TFEC: variants seen among roughly 807,000 people sequenced by gnomAD.
TFEC encodes transcription factor EC.
TFEC carries 31 observed loss-of-function variants against 41.6 expected under a neutral mutation model. The observed-to-expected ratio is 0.74, with a 90% CI of 0.56 to 1.01. The LOEUF (loss-of-function observed/expected upper bound fraction) is 1.01. TFEC is among the 50% of genes least tolerant of loss of function. The pLI is 0.00. For missense variants in TFEC, 402 were observed against 404.1 expected, an observed-to-expected ratio of 0.99 and a Z score of 0.04; for synonymous variants, 143 against 140.6, an observed-to-expected ratio of 1.02 and a Z score of -0.12.
At chr7:116,098,121 T>C (rs1428870637) in intron 3 of TFEC, among the ~76,000 whole-genome samples, 1 of 152,018 alleles carries the variant, frequency 6.6e-6, no homozygotes, top group African/African-American at 2.4e-5. Flanking sequence ...TATAAGCAAA[T>C]TGAGTGGACA....
At chr7:116,148,245 T>G (rs548335222) in intron 1 of TFEC, among the ~76,000 whole-genome samples, 1 of 152,298 alleles carries the variant, frequency 6.6e-6, no homozygotes, top group South Asian at 2.1e-4. Flanking sequence ...TGGCTTTTAC[T>G]CAGTGAGATA....
At chr7:115,997,056 T>C (rs1276461621) in intron 1 of TFEC, among the ~76,000 whole-genome samples, 4 of 152,152 alleles carry the variant, frequency 2.6e-5, no homozygotes, top group Non-Finnish European at 4.4e-5. Context: ...TACTACCTGC[T>C]GATTGTAGGG....
chr7:116,006,082 A>G (rs1468349787), intron 1 of TFEC, among the ~76,000 whole-genome samples: 1 of 152,252 alleles, frequency 6.6e-6, no homozygotes, highest in Non-Finnish European at 1.5e-5. Flanking sequence ...ATGCCCAGGC[A>G]GAAGTTTGCT....
intron 3 of TFEC, among the ~76,000 whole-genome samples, chr7:116,060,850 C>G (rs1182295156): frequency 2.7e-5 from 4 of 149,642 alleles, no homozygotes; most frequent in African/African-American, 7.4e-5. Flanking sequence ...CATATACCCA[C>G]AAACCTAAAA....
intron 1 of TFEC, among the ~76,000 whole-genome samples, chr7:115,989,504 G>A (rs1341799773): frequency 6.6e-6 from 1 of 152,200 alleles, no homozygotes; most frequent in Admixed American, 6.5e-5. Context: ...GCCAAGGGAA[G>A]CCATGACAGA....
At chr7:116,080,259 C>G (rs933085009) in intron 3 of TFEC, among the ~76,000 whole-genome samples, 1 of 151,984 alleles carries the variant, frequency 6.6e-6, no homozygotes, top group Admixed American at 6.6e-5. Flanking sequence ...TAGACATTGG[C>G]TTAGGCAAAG....
chr7:116,020,087 C>T (rs1355900298), intron 1 of TFEC, among the ~76,000 whole-genome samples: 1 of 152,154 alleles, frequency 6.6e-6, no homozygotes, highest in East Asian at 1.9e-4. Flanking sequence ...GGTGAGCCAC[C>T]TTATTCTCTA....
intron 3 of TFEC, among the ~76,000 whole-genome samples, chr7:116,056,388 A>G (rs540179079): frequency 6.6e-6 from 1 of 152,226 alleles, no homozygotes; most frequent in African/African-American, 2.4e-5. Context: ...AGGGAAAGAG[A>G]TTTAACAGGT....
At chr7:116,088,034 T>TC (rs1797239851) in intron 3 of TFEC, among the ~76,000 whole-genome samples, 1 of 152,130 alleles carries the variant, frequency 6.6e-6, no homozygotes, top group African/African-American at 2.4e-5. Context: ...TACAGCATAC[T>TC]CCTTCAACAT....
intron 3 of TFEC, among the ~76,000 whole-genome samples, chr7:116,066,695 A>T (rs1165507002): frequency 4.6e-5 from 7 of 152,130 alleles, no homozygotes; most frequent in Non-Finnish European, 8.8e-5. Flanking sequence ...TATTTAAAAA[A>T]TACAATTACA....
rs138240980 is a variant in TFEC, at chr7:116,090,604, G to A, written c.198+20104C>T. ...CAACTGCTCTCCAAAATGAGGTCCCGTCACTTAGGTGAAAGTAGAAAATAC... is the reference window on the plus strand; with the variant it reads ...CAACTGCTCTCCAAAATGAGGTCCCATCACTTAGGTGAAAGTAGAAAATAC... On this transcript the variant is annotated intron_variant, in intron 3 of 8. Coordinates refer to the TFEC transcript ENST00000484212. Among the ~76,000 whole-genome samples, 270 of 152,088 alleles carry A rather than the reference G, an allele frequency of 1.8e-3. 1 individual carries two copies. The highest frequency in any genetic ancestry group is 6.0e-3 in the African/African-American group (250 of 41,484).
chr7:116,022,241 T>A (rs1584711422), intron 1 of TFEC, among the ~76,000 whole-genome samples: 1 of 152,198 alleles, frequency 6.6e-6, no homozygotes, highest in Non-Finnish European at 1.5e-5. Context: ...GCAGCGGTTT[T>A]CCATTCTTAA....
At chr7:116,138,515 C>T (rs1798478977) in intron 1 of TFEC, among the ~76,000 whole-genome samples, 1 of 152,112 alleles carries the variant, frequency 6.6e-6, no homozygotes, top group South Asian at 2.1e-4. Flanking sequence ...TTCATTTCAT[C>T]CCTAAAATTA....
intron 1 of TFEC, among the ~76,000 whole-genome samples, chr7:116,009,900 C>T (rs1194273424): frequency 4.6e-5 from 7 of 152,002 alleles, no homozygotes; most frequent in Admixed American, 1.3e-4. Flanking sequence ...AATGATAGGA[C>T]GGAGAAATGC....
intron 3 of TFEC, among the ~76,000 whole-genome samples, chr7:116,041,448 G>A (rs903163019): frequency 6.6e-6 from 1 of 152,068 alleles, no homozygotes; most frequent in Admixed American, 6.6e-5. Context: ...GTTATGGAAC[G>A]CAGTGATTTA....
chr7:116,125,265 A>G (rs181202207), intron 1 of TFEC, among the ~76,000 whole-genome samples: 1 of 152,316 alleles, frequency 6.6e-6, no homozygotes, highest in African/African-American at 2.4e-5. Flanking sequence ...CATTGGAGGC[A>G]GACTTATCAC....
chr7:116,063,372 T>C (rs1313644179), intron 3 of TFEC, among the ~76,000 whole-genome samples: 2 of 152,066 alleles, frequency 1.3e-5, no homozygotes, highest in Admixed American at 6.6e-5. Context: ...ATCCCAGCAC[T>C]TTGAGAGGCT....
chr7:115,941,948 TC>T lies in TFEC; in HGVS notation c.607del (p.Glu203AsnfsTer7). The T allele has an allele frequency of 3.7e-6, 6 of 1,613,226 alleles. No individual in the cohort carries two copies. Among genetic ancestry groups the T allele is most frequent in the Non-Finnish European group, 5.1e-6 (6 of 1,179,448 alleles). ...QKEQQRAREL[E>X]HRQKKLEQAN... ...CTGCTCTAATTTCTTCTGTCTGTGT[TC>T]CAATTCTCGGGCTCTCTGTTGTTCT... On this transcript the variant is annotated frameshift_variant, in exon 7 of 8. Transcript: ENST00000265440. LOFTEE classifies it high-confidence loss of function.
At chr7:116,037,955 C>T (rs374256669) in intron 3 of TFEC, among the ~76,000 whole-genome samples, 9 of 151,972 alleles carry the variant, frequency 5.9e-5, no homozygotes, top group African/African-American at 1.7e-4. Flanking sequence ...ACTGCTAAAA[C>T]GCATTTCATC....
Sources: allele counts gnomAD v4.1 joint callset (sites outside exome capture counted in the v4.1 genomes callset), GRCh38; gene constraint gnomAD v4.1.1; transcripts MANE v1.5; gene names NCBI Gene and HGNC (gene_info 2026-07-23, HGNC 2026-07-21).